The following ZDHHC11 variants were observed in gnomAD, a reference collection of about 807,000 sequenced individuals.
ZDHHC11 encodes the protein palmitoyltransferase ZDHHC11.
Under a neutral mutation model 51.3 loss-of-function variants are expected in ZDHHC11, and 44 were observed. The observed-to-expected ratio is 0.86, with a 90% CI of 0.67 to 1.10. The LOEUF (loss-of-function observed/expected upper bound fraction) is 1.10. Ranked by LOEUF, ZDHHC11 falls within the 50% of genes least tolerant of loss-of-function variation. ZDHHC11 has a pLI of 0.00. For missense variants in ZDHHC11, 400 were observed against 537.7 expected (o/e 0.74, Z 2.53); for synonymous variants, 163 against 222.0 (o/e 0.73, Z 2.36).
intron 1 of ZDHHC11, 145 bp from the exon 2 acceptor site, chr5:848,805 C>A: frequency 8.0e-7 from 1 of 1,249,788 alleles, no homozygotes; most frequent in Non-Finnish European, 1.1e-6. Flanking sequence ...CTCACCCAGG[C>A]CTGGCCCTGC....
intron 1 of ZDHHC11, chr5:850,178 G>A (rs527569380): frequency 4.7e-5 from 29 of 620,632 alleles, no homozygotes; most frequent in African/African-American, 4.2e-4. Flanking sequence ...CTCAGCCAAC[G>A]CTGTCCTGTC....
chr5:857,261 G>C (rs947411814), intron 1 of ZDHHC11, among the ~76,000 whole-genome samples: 1 of 152,220 alleles, frequency 6.6e-6, no homozygotes, highest in Non-Finnish European at 1.5e-5. Flanking sequence ...GCGCAATCCT[G>C]TGTGGTGGAC....
At position 819,566 on chromosome 5, in the gene ZDHHC11, A is replaced by T. The variant is rs773674807; in HGVS notation, c.1105T>A (p.Phe369Ile). The T allele has an allele frequency of 1.9e-6, 3 of 1,609,810 alleles. No individual in the cohort carries two copies. In the Admixed American group the frequency reaches 5.0e-5, roughly 27 times the overall value. Residue 369 changes from phenylalanine to isoleucine, a missense_variant, in exon 10 of 13, where the codon TTC becomes ATC. Around this residue, in one of 5 missense-constraint regions of ZDHHC11, gnomAD observed 231 missense variants for 227.4 expected, o/e 1.02. Transcript: ENST00000283441. ...CCGTCTGGGTGTACACGAGTGGAGAACTGACACAGGCGCCTGCAAATCAGC... is the reference window on the plus strand; with the variant it reads ...CCGTCTGGGTGTACACGAGTGGAGATCTGACACAGGCGCCTGCAAATCAGC... ...SRLICRRLCQFSTRVHPDGGS... is the reference protein window; with the variant it reads ...SRLICRRLCQISTRVHPDGGS...
chr5:841,977 G>A (rs576925012), intron 4 of ZDHHC11: 158 of 989,172 alleles, frequency 1.6e-4, no homozygotes, highest in Middle Eastern at 5.2e-4. Flanking sequence ...TGCCTGGGCC[G>A]GGCTGGACCC....
At chr5:845,554 C>T (rs1449576913) in intron 3 of ZDHHC11, among the ~76,000 whole-genome samples, 4 of 152,182 alleles carry the variant, frequency 2.6e-5, no homozygotes, top group South Asian at 4.1e-4. Flanking sequence ...ACCAGCGCCG[C>T]CTGCCTTCTT....
At chr5:853,802 G>A (rs1252807004), upstream of ZDHHC11, among the ~76,000 whole-genome samples, 1 of 148,716 alleles carries the variant, frequency 6.7e-6, no homozygotes, top group Non-Finnish European at 1.5e-5. Flanking sequence ...GTGAGCAGCG[G>A]GGACAGACCC....
At chr5:822,056 C>T (rs1382291077) in intron 8 of ZDHHC11, among the ~76,000 whole-genome samples, 161 bp from the exon 9 acceptor site, 3 of 151,544 alleles carry the variant, frequency 2.0e-5, no homozygotes, top group African/African-American at 7.3e-5. Flanking sequence ...TGACACAGCA[C>T]ACTTCCTCCC....
Position 807,739 on chromosome 5 carries a change from G to C in ZDHHC11, c.1182-6575C>G, listed in dbSNP as rs534731649. Among the ~76,000 whole-genome samples the C allele has an allele frequency of 5.8e-4, 89 of 152,206 alleles. 1 individual carries two copies. The South Asian group carries it at 0.018, about 31-fold the overall frequency. On this transcript the variant is annotated intron_variant, in intron 11 of 12. Coordinates refer to ENST00000283441, the MANE Select transcript of ZDHHC11 (RefSeq NM_024786.3). Reference sequence around the variant, plus strand: ...TTGTGAGGAATAGCGGCTCAGAGTGGTTTAAAAACTTATGAGATTATAGAA... The same window carrying C: ...TTGTGAGGAATAGCGGCTCAGAGTGCTTTAAAAACTTATGAGATTATAGAA...
chr5:822,309 A>G (rs12109624), intron 8 of ZDHHC11, among the ~76,000 whole-genome samples: 51,393 of 150,332 alleles, frequency 0.34, 14,226 homozygotes, highest in African/African-American at 0.76. Flanking sequence ...ACAGGTGGCC[A>G]TCTACAAGGC....
At chr5:842,828 C>G (rs1404943119) in intron 4 of ZDHHC11, among the ~76,000 whole-genome samples, 3 of 151,496 alleles carry the variant, frequency 2.0e-5, no homozygotes, top group African/African-American at 7.3e-5. Flanking sequence ...TTTGCCAGCT[C>G]CTGTGGCTCC....
At chr5:827,220 T>C (rs1742414042) in intron 7 of ZDHHC11, among the ~76,000 whole-genome samples, 2 of 149,322 alleles carry the variant, frequency 1.3e-5, no homozygotes, top group Middle Eastern at 6.9e-3. Flanking sequence ...CAAGAAATAC[T>C]AAAAGGAGTT....
intron 1 of ZDHHC11, among the ~76,000 whole-genome samples, chr5:856,909 CCACA>C (rs1250648676): frequency 5.3e-5 from 8 of 151,310 alleles, no homozygotes; most frequent in African/African-American, 1.7e-4. Flanking sequence ...AAACCACACA[CCACA>C]CACACACCAA....
At position 823,298 on chromosome 5, in the gene ZDHHC11, G is replaced by A. The variant is rs564330373; in HGVS notation, c.1024-1403C>T. 1.4e-3 allele frequency: 213 copies of A among 150,800 alleles called. 2 individuals are homozygous for A. Among genetic ancestry groups the A allele is most frequent in the African/African-American group, 5.0e-3 (206 of 41,022 alleles). The allele number at this position is 150,800 out of a possible 1,614,324, so 9.3% of individuals were successfully genotyped here. On this transcript the variant is annotated intron_variant, in intron 8 of 12. Transcript: ENST00000283441. ...GGATTGTGCACTGCTTTCTAGGTGG[G>A]ACTGAGCTGTGTGTGTGTGTTTGGC...
chr5:858,375 GT>G (rs200225900), intron 1 of ZDHHC11, among the ~76,000 whole-genome samples: 8,940 of 134,216 alleles, frequency 0.067, 342 homozygotes, highest in Admixed American at 0.13. Flanking sequence ...TGACACCGTG[GT>G]CCCCCAAGTC....
chr5:841,646 C>T (rs1379009093), intron 4 of ZDHHC11: 2 of 991,244 alleles, frequency 2.0e-6, no homozygotes, highest in African/African-American at 3.5e-5. Flanking sequence ...CCTAAAACAG[C>T]TGCCTTCAAA....
At chr5:835,862 A>G (rs1177825085) in intron 6 of ZDHHC11, among the ~76,000 whole-genome samples, 1 of 151,868 alleles carries the variant, frequency 6.6e-6, no homozygotes, top group African/African-American at 2.4e-5. Flanking sequence ...GGAAGTTTTA[A>G]AAATATAACC....
At chr5:850,138 C>A (rs1746934604) in intron 1 of ZDHHC11, among the ~76,000 whole-genome samples, 3 of 152,354 alleles carry the variant, frequency 2.0e-5, no homozygotes, top group African/African-American at 4.8e-5. Flanking sequence ...GGCTGCTGTC[C>A]CTCCTGACAG....
At chr5:835,247 A>G (rs574738292) in intron 6 of ZDHHC11, among the ~76,000 whole-genome samples, 1 of 151,438 alleles carries the variant, frequency 6.6e-6, no homozygotes, top group East Asian at 1.9e-4. Context: ...GAAGAACTCA[A>G]TCATTCTTTT....
chr5:831,070 GACGAAGAATCCAAAAGCAAATGCA>G (rs1176932873), intron 7 of ZDHHC11, among the ~76,000 whole-genome samples: 2 of 149,514 alleles, frequency 1.3e-5, no homozygotes, highest in Non-Finnish European at 3.0e-5. Context: ...AAGAGCTCAT[GACGAAGAATCCAAAAGCAAATGCA>G]ACAAGAACAA....
Sources: allele counts gnomAD v4.1 joint callset (sites outside exome capture counted in the v4.1 genomes callset), GRCh38; gene constraint gnomAD v4.1.1; regional missense constraint gnomAD v4.1.1; transcripts MANE v1.5; gene names NCBI Gene and HGNC (gene_info 2026-07-23, HGNC 2026-07-21).